SLC39A14: variants seen among roughly 807,000 people sequenced by gnomAD.
SLC39A14 encodes the protein metal cation symporter ZIP14.
Under a neutral mutation model 45.5 loss-of-function variants are expected in SLC39A14, and 19 were observed. That is an observed-to-expected ratio of 0.42 (90% confidence interval 0.29 to 0.61). SLC39A14 has a LOEUF of 0.61. Ranked by LOEUF, SLC39A14 falls within the 20% of genes least tolerant of loss-of-function variation. The pLI is 0.22. For synonymous variants in SLC39A14, 264 were observed against 251.3 expected, an observed-to-expected ratio of 1.05 and a Z score of -0.48; for missense variants, 447 against 616.5, an observed-to-expected ratio of 0.73 and a Z score of 2.91.
intron 1 of SLC39A14, among the ~76,000 whole-genome samples, chr8:22,385,357 T>C (rs1254258216): frequency 6.6e-6 from 1 of 152,202 alleles, no homozygotes; most frequent in Non-Finnish European, 1.5e-5. Flanking sequence ...CTCCAGTCTC[T>C]GCCCTCCTGG....
chr8:22,393,407 C>T (rs554121362), intron 1 of SLC39A14, among the ~76,000 whole-genome samples: 9 of 151,990 alleles, frequency 5.9e-5, no homozygotes, highest in Non-Finnish European at 1.3e-4. Context: ...GCTTCTCACA[C>T]GGTGTTCTTT....
At chr8:22,380,741 A>G (rs909320909) in intron 1 of SLC39A14, among the ~76,000 whole-genome samples, 3 of 151,654 alleles carry the variant, frequency 2.0e-5, no homozygotes, top group African/African-American at 7.3e-5. Context: ...CAGTGGCTCC[A>G]TAATGGCCCA....
chr8:22,387,079 G>A (rs1833832601), intron 1 of SLC39A14, among the ~76,000 whole-genome samples: 1 of 151,930 alleles, frequency 6.6e-6, no homozygotes, highest in African/African-American at 2.4e-5. Context: ...AGGCTGAGGT[G>A]GGAGGATCGC....
rs372429540 is a variant in SLC39A14, at chr8:22,408,440, A to C, written c.401A>C (p.Asn134Thr). 1.9e-6 allele frequency: 3 copies of C among 1,614,074 alleles called. No homozygotes were observed. In the African/African-American group the frequency reaches 4.0e-5, roughly 22 times the overall value. The change falls in exon 3 of 9, where the codon AAC becomes ACC. Residue 134 changes from asparagine to threonine, a missense_variant. Around this residue, in one of 2 missense-constraint regions of SLC39A14, gnomAD observed 342 missense variants for 428.1 expected, o/e 0.80. Coordinates refer to ENST00000381237, the MANE Select transcript of SLC39A14 (RefSeq NM_001128431.4). ...GATTCCCGGGCCTGCACCTCGGAGA[A>C]CCAGGAAAACGAGGAGAATGAGCAG... The part of the protein sequence containing the change: ...QLDSRACTSE[N>T]QENEENEQTE...
At chr8:22,400,428 C>A (rs965321200) in intron 1 of SLC39A14, among the ~76,000 whole-genome samples, 5 of 152,210 alleles carry the variant, frequency 3.3e-5, no homozygotes, top group Non-Finnish European at 5.9e-5. Flanking sequence ...TACAGGCAGA[C>A]CTCCCCCTTG....
chr8:22,403,639 C>T (rs1345295627), intron 1 of SLC39A14, among the ~76,000 whole-genome samples: 3 of 151,558 alleles, frequency 2.0e-5, no homozygotes, highest in Non-Finnish European at 2.9e-5. Flanking sequence ...GTAGACAGGG[C>T]CGGGCACAGT....
At chr8:22,411,670 T>C (rs13276612) in intron 3 of SLC39A14, among the ~76,000 whole-genome samples, 52,229 of 152,030 alleles carry the variant, frequency 0.34, 9,312 homozygotes, top group East Asian at 0.6. Flanking sequence ...GGGCAGACCT[T>C]GGGTGTGTGA....
intron 8 of SLC39A14, among the ~76,000 whole-genome samples, chr8:22,418,343 A>G (rs575605549): frequency 6.6e-6 from 1 of 152,294 alleles, no homozygotes; most frequent in Non-Finnish European, 1.5e-5. Context: ...TTTTGTTAGC[A>G]TATGTCATTA....
chr8:22,411,999 C>A, intron 3 of SLC39A14, 38 bp from the exon 4 acceptor site: 1 of 1,534,302 alleles, frequency 6.5e-7, no homozygotes, highest in Non-Finnish European at 8.8e-7. Flanking sequence ...CCTTCTCTCC[C>A]TGCCCTGGGT....
In SLC39A14 at chr8:22,396,573, A is replaced by G. The variant is rs1229051825; in HGVS notation, c.-15-8123A>G. Among the ~76,000 whole-genome samples, 293 of 78,108 alleles carry G rather than the reference A, an allele frequency of 3.8e-3. 2 individuals carry two copies. In the Admixed American group the frequency reaches 0.04, roughly 11 times the overall value. 51.2% of individuals were successfully genotyped at this position (78,108 alleles called of 152,430 possible). Reference sequence around the variant, plus strand: ...GAGAGAGAGAGAGAGAGAGAGAGAGAGAGAGAGAGAGAGAGAGAGAGAGAG... The same window carrying G: ...GAGAGAGAGAGAGAGAGAGAGAGAGGGAGAGAGAGAGAGAGAGAGAGAGAG... On this transcript the variant is annotated intron_variant, in intron 1 of 8. Transcript: ENST00000381237.
chr8:22,421,564 CATT>C lies in SLC39A14; in HGVS notation c.*1873_*1875del, dbSNP rs1836230687. The C allele has an allele frequency of 3.0e-6, 3 of 985,072 alleles. No homozygotes were observed. Among genetic ancestry groups the C allele is most frequent in the Non-Finnish European group, 3.6e-6 (3 of 829,244 alleles). 61.0% of individuals were successfully genotyped at this position (985,072 alleles called of 1,614,324 possible). On this transcript the variant is annotated 3_prime_UTR_variant, in exon 9 of 9. Coordinates refer to ENST00000381237, the MANE Select transcript of SLC39A14 (RefSeq NM_001128431.4). ...GTTGGAATCTAACTTTTTATATTGT[CATT>C]ATTATTGTTGTTTTTAAACGGTTCT...
chr8:22,392,497 G>A (rs1411472593), intron 1 of SLC39A14, among the ~76,000 whole-genome samples: 3 of 152,220 alleles, frequency 2.0e-5, no homozygotes, highest in African/African-American at 7.2e-5. Context: ...GGTGACGTAA[G>A]TGATGGATGT....
chr8:22,382,002 G>A (rs1833540031), intron 1 of SLC39A14, among the ~76,000 whole-genome samples: 1 of 152,050 alleles, frequency 6.6e-6, no homozygotes, highest in Admixed American at 6.6e-5. Flanking sequence ...TTAGCCAGGT[G>A]TGGTGGTACG....
chr8:22,419,858 C>G lies in SLC39A14; in HGVS notation c.*160C>G. On this transcript the variant is annotated 3_prime_UTR_variant, in exon 9 of 9. Transcript: ENST00000381237. The stretch of plus-strand genomic sequence containing the variant: ...TCAAATGTCAGCCGTTTGTAAAATG[C>G]TGTATCCTAGGAATAAGCTGCCCTG... 1 of 1,352,604 alleles carries G rather than the reference C, an allele frequency of 7.4e-7. No homozygotes were observed. Among genetic ancestry groups the G allele is most frequent in the Non-Finnish European group, 9.5e-7 (1 of 1,055,378 alleles). 83.8% of individuals were successfully genotyped at this position (1,352,604 alleles called of 1,614,324 possible).
At chr8:22,424,370 A>T (rs957750793), downstream of SLC39A14, among the ~76,000 whole-genome samples, 8 of 152,240 alleles carry the variant, frequency 5.3e-5, no homozygotes, top group African/African-American at 1.9e-4. Context: ...AAGATAAAAA[A>T]AAAGTTGGTT....
intron 4 of SLC39A14, among the ~76,000 whole-genome samples, chr8:22,412,666 G>A (rs756922435): frequency 3.9e-5 from 6 of 152,164 alleles, no homozygotes; most frequent in African/African-American, 1.4e-4. Context: ...ATCATCAGCC[G>A]GGTGCAGTGG....
chr8:22,407,685 A>G (rs1835305824), intron 2 of SLC39A14, among the ~76,000 whole-genome samples: 1 of 145,120 alleles, frequency 6.9e-6, no homozygotes, highest in Non-Finnish European at 1.5e-5. Context: ...TCTAGAAACT[A>G]TACCCTAGTG....
intron 1 of SLC39A14, among the ~76,000 whole-genome samples, chr8:22,392,461 C>T (rs1834130938): frequency 6.6e-6 from 1 of 152,162 alleles, no homozygotes; most frequent in Admixed American, 6.6e-5. Context: ...TCCCGAATAA[C>T]AAGCCGGGAA....
At chr8:22,403,981 C>G (rs1835042695) in intron 1 of SLC39A14, among the ~76,000 whole-genome samples, 1 of 152,132 alleles carries the variant, frequency 6.6e-6, no homozygotes, top group Admixed American at 6.5e-5. Flanking sequence ...ATCTACCTGT[C>G]ACTTAGTTCC....
Sources: allele counts gnomAD v4.1 joint callset (sites outside exome capture counted in the v4.1 genomes callset), GRCh38; gene constraint gnomAD v4.1.1; regional missense constraint gnomAD v4.1.1; transcripts MANE v1.5; gene names NCBI Gene and HGNC (gene_info 2026-07-23, HGNC 2026-07-21).